Variants in RBPJ observed in about 807,000 individuals in gnomAD.
RBPJ encodes recombining binding protein suppressor of hairless.
Under a neutral mutation model 67.8 loss-of-function variants are expected in RBPJ, and 9 were observed. The ratio of observed to expected loss-of-function variants is 0.13; its 90% CI spans 0.08 to 0.23. RBPJ has a LOEUF of 0.23. Ranked by LOEUF, RBPJ falls within the 10% of genes least tolerant of loss-of-function variation. RBPJ has a pLI of 1.00. For synonymous variants in RBPJ, 198 were observed against 203.3 expected, an observed-to-expected ratio of 0.97 and a Z score of 0.22; for missense variants, 305 against 595.6, an observed-to-expected ratio of 0.51 and a Z score of 5.08.
At chr4:26,302,657 G>A (rs1265546223) in intron 1 of RBPJ, among the ~76,000 whole-genome samples, 1 of 152,206 alleles carries the variant, frequency 6.6e-6, no homozygotes, top group African/African-American at 2.4e-5. Flanking sequence ...AGCAATGTCT[G>A]TAACTGTGAG....
intron 7 of RBPJ, among the ~76,000 whole-genome samples, chr4:26,426,243 G>T (rs775644676): frequency 2.6e-5 from 4 of 152,020 alleles, no homozygotes; most frequent in Non-Finnish European, 5.9e-5. Flanking sequence ...TTAAATGCTT[G>T]TACTGCAGAA....
chr4:26,338,489 A>G (rs186815050), intron 1 of RBPJ, among the ~76,000 whole-genome samples: 2 of 149,260 alleles, frequency 1.3e-5, no homozygotes, highest in East Asian at 4.0e-4. Flanking sequence ...GCTCTTTTAT[A>G]GTTTAAAAAT....
intron 2 of RBPJ, among the ~76,000 whole-genome samples, chr4:26,402,764 G>A (rs1189141249): frequency 6.6e-6 from 1 of 151,974 alleles, no homozygotes; most frequent in East Asian, 1.9e-4. Flanking sequence ...ATTTACTTCC[G>A]TGGTGTTGTT....
chr4:26,124,453 T>TATATATATAC, the RBPJ span, among the ~76,000 whole-genome samples: 1 of 109,444 alleles, frequency 9.1e-6, no homozygotes, highest in Non-Finnish European at 2.0e-5. Context: ...TATATATATA[T>TATATATATAC]ATATATATAC....
At chr4:26,336,102 T>A (rs1724806924) in intron 1 of RBPJ, among the ~76,000 whole-genome samples, 1 of 152,212 alleles carries the variant, frequency 6.6e-6, no homozygotes, top group Non-Finnish European at 1.5e-5. Flanking sequence ...GCTGCCAGTG[T>A]TACCCTAAAA....
intron 1 of RBPJ, among the ~76,000 whole-genome samples, chr4:26,340,291 C>T (rs1212314535): frequency 6.6e-6 from 1 of 152,114 alleles, no homozygotes; most frequent in Non-Finnish European, 1.5e-5. Flanking sequence ...TGTGGGAGAA[C>T]AGCATTCCAC....
At chr4:26,209,358 A>C (rs931960154) in intron 1 of RBPJ, among the ~76,000 whole-genome samples, 1 of 152,130 alleles carries the variant, frequency 6.6e-6, no homozygotes, top group African/African-American at 2.4e-5. Context: ...CTAAAATACA[A>C]GATTTTCGGT....
chr4:26,244,099 CA>C (rs990708101), intron 1 of RBPJ, among the ~76,000 whole-genome samples: 22 of 137,076 alleles, frequency 1.6e-4, no homozygotes, highest in African/African-American at 4.7e-4. Context: ...GACCCTGTCT[CA>C]AAAAAAAAGA....
In RBPJ at chr4:26,389,203, T is replaced by C. The variant is rs191190668; in HGVS notation, c.59+2812T>C. 2.1e-4 allele frequency among the ~76,000 whole-genome samples: 32 copies of C among 150,542 alleles called. No individual in the cohort carries two copies. The East Asian group carries it at 6.0e-3, about 28-fold the overall frequency. On this transcript the variant is annotated intron_variant, in intron 2 of 10. Transcript: ENST00000355476. Reference sequence around the variant, plus strand: ...GAGATCACACCACTGCACTCCAGCCTGGGTGACAGAGTGAGACCCCATCTA... The same window carrying C: ...GAGATCACACCACTGCACTCCAGCCCGGGTGACAGAGTGAGACCCCATCTA...
intron 1 of RBPJ, among the ~76,000 whole-genome samples, chr4:26,191,206 T>TAGAG (rs1460217249): frequency 2.3e-3 from 69 of 30,454 alleles, no homozygotes; most frequent in Middle Eastern, 0.056. Context: ...TATATATATA[T>TAGAG]ATATAGAGAG....
the RBPJ span, among the ~76,000 whole-genome samples, chr4:26,148,915 C>T: frequency 2.0e-5 from 3 of 152,252 alleles, no homozygotes; most frequent in East Asian, 5.8e-4. Context: ...AGACCTTTCC[C>T]CTGAGAAATT....
At chr4:26,152,851 A>G in the RBPJ span, among the ~76,000 whole-genome samples, 3 of 152,232 alleles carry the variant, frequency 2.0e-5, no homozygotes, top group African/African-American at 7.2e-5. Context: ...AGTTAAGAAA[A>G]TAGTATGAAC....
chr4:26,203,169 T>C (rs375227074), intron 1 of RBPJ, among the ~76,000 whole-genome samples: 8 of 152,220 alleles, frequency 5.3e-5, no homozygotes, highest in African/African-American at 1.9e-4. Flanking sequence ...CTTTACATAG[T>C]AGCCAGAATG....
At chr4:26,428,419 G>A (rs1167158752) in intron 7 of RBPJ, among the ~76,000 whole-genome samples, 1 of 151,868 alleles carries the variant, frequency 6.6e-6, no homozygotes, top group East Asian at 1.9e-4. Flanking sequence ...GCTCATTTAT[G>A]TGCACATTAA....
At chr4:26,388,170 G>GT (rs200290907) in intron 2 of RBPJ, among the ~76,000 whole-genome samples, 1,769 of 151,416 alleles carry the variant, frequency 0.012, 39 homozygotes, top group African/African-American at 0.039. Flanking sequence ...ATTTTTTTTT[G>GT]TTTTTTTGTA....
chr4:26,326,276 A>G (rs1285590953), intron 1 of RBPJ, among the ~76,000 whole-genome samples: 1 of 152,172 alleles, frequency 6.6e-6, no homozygotes, highest in Non-Finnish European at 1.5e-5. Flanking sequence ...AGCCACAAGC[A>G]ATCTCATAGC....
At chr4:26,385,630 A>G (rs1381695020) in intron 1 of RBPJ, among the ~76,000 whole-genome samples, 3 of 152,176 alleles carry the variant, frequency 2.0e-5, no homozygotes, top group Non-Finnish European at 4.4e-5. Flanking sequence ...CATTTTAAAA[A>G]TAGGCAAATT....
intron 3 of RBPJ, among the ~76,000 whole-genome samples, chr4:26,412,378 T>A (rs913174199): frequency 5.3e-5 from 8 of 152,102 alleles, no homozygotes; most frequent in African/African-American, 1.9e-4. Context: ...ACTACAGGCG[T>A]GCGCCACCAT....
chr4:26,162,818 G>GC (rs1185567201), upstream of RBPJ, among the ~76,000 whole-genome samples: 1 of 152,128 alleles, frequency 6.6e-6, no homozygotes, highest in African/African-American at 2.4e-5. Flanking sequence ...ATCCATCTAG[G>GC]CCCCCCACTA....
Sources: gnomAD v4.1 joint callset for allele counts (sites outside exome capture counted in the v4.1 genomes callset) on GRCh38, gnomAD v4.1.1 for gene constraint, MANE v1.5 for transcripts, NCBI Gene and HGNC (gene_info 2026-07-23, HGNC 2026-07-21) for gene names.